Variants in EPHA6 observed in about 807,000 individuals in gnomAD.
EPHA6 encodes the protein EPH receptor A6.
A neutral mutation model predicts 112.0 loss-of-function variants in EPHA6; 50 were observed. The ratio of observed to expected loss-of-function variants is 0.45; its 90% confidence interval spans 0.36 to 0.56. The LOEUF (loss-of-function observed/expected upper bound fraction) is 0.56. Among genes scored for constraint, EPHA6 ranks in the 20% least tolerant of loss-of-function variants. The pLI is 0.00. For missense variants in EPHA6, 1,280 were observed against 1,417.4 expected, an observed-to-expected ratio of 0.90 and a Z score of 1.56; for synonymous variants, 529 against 490.7, an observed-to-expected ratio of 1.08 and a Z score of -1.03.
chr3:97,199,463 C>T (rs2077524245), intron 3 of EPHA6, among the ~76,000 whole-genome samples: 1 of 152,132 alleles, frequency 6.6e-6, no homozygotes, highest in Admixed American at 6.6e-5. Flanking sequence ...TGGCAAACAA[C>T]CAGGGCATCA....
intron 3 of EPHA6, among the ~76,000 whole-genome samples, chr3:97,203,960 G>A (rs1429784480): frequency 6.6e-6 from 1 of 151,926 alleles, no homozygotes; most frequent in East Asian, 1.9e-4. Context: ...TTGTGCACAT[G>A]TACCCTAAAG....
chr3:97,612,589 A>G, intron 13 of EPHA6: 2 of 217,874 alleles, frequency 9.2e-6, no homozygotes, highest in South Asian at 1.3e-4. Context: ...TTACTTCTAA[A>G]CATCTTACTA....
chr3:97,513,619 A>G (rs1464845709), intron 10 of EPHA6, among the ~76,000 whole-genome samples: 14 of 152,122 alleles, frequency 9.2e-5, no homozygotes, highest in Admixed American at 9.2e-4. Context: ...TAGAATTAAA[A>G]AAGTTGATCT....
intron 2 of EPHA6, among the ~76,000 whole-genome samples, chr3:96,985,096 G>C (rs574472194): frequency 1.3e-5 from 2 of 152,060 alleles, no homozygotes; most frequent in South Asian, 4.2e-4. Context: ...AGATGAACCC[G>C]GTACCTCAGT....
At chr3:97,237,797 C>G (rs753515452) in intron 4 of EPHA6, among the ~76,000 whole-genome samples, 10 of 151,890 alleles carry the variant, frequency 6.6e-5, no homozygotes, top group Non-Finnish European at 1.5e-4. Flanking sequence ...GTAATTTACT[C>G]AAACATGAAA....
chr3:97,357,131 C>T (rs1042128150), intron 5 of EPHA6, among the ~76,000 whole-genome samples: 2 of 152,110 alleles, frequency 1.3e-5, no homozygotes, highest in African/African-American at 4.8e-5. Flanking sequence ...CATGGAATAT[C>T]TTTTTCCATC....
chr3:97,370,086 C>T (rs1253248954), intron 5 of EPHA6, among the ~76,000 whole-genome samples: 3 of 152,140 alleles, frequency 2.0e-5, no homozygotes, highest in African/African-American at 7.2e-5. Flanking sequence ...TTTAGCCATG[C>T]AGCATTTACA....
intron 2 of EPHA6, among the ~76,000 whole-genome samples, chr3:96,887,417 G>A (rs1033825490): frequency 6.6e-6 from 1 of 152,210 alleles, no homozygotes; most frequent in African/African-American, 2.4e-5. Flanking sequence ...GGTGTTGCCT[G>A]TACAGGGTCC....
intron 3 of EPHA6, among the ~76,000 whole-genome samples, chr3:96,994,707 GTGTATATATA>G (rs1397007436): frequency 4.3e-5 from 4 of 93,326 alleles, no homozygotes; most frequent in South Asian, 2.9e-4. Flanking sequence ...GTGTGTGTGT[GTGTATATATA>G]TATATATATA....
rs1382511292 is a variant in EPHA6, at chr3:97,725,631, C to A, written c.2934+5221C>A. Among the ~76,000 whole-genome samples, 3 of 152,220 alleles carry A rather than the reference C, an allele frequency of 2.0e-5. No individual in the cohort carries two copies. The East Asian group carries it at 5.8e-4, about 29-fold the overall frequency. On this transcript the variant is annotated intron_variant, in intron 15 of 17. Transcript: ENST00000389672. ...TGAAAAGACCAGTCGGGCTTTAGAA[C>A]AAGATCTCTCAACCTTAGCACTATT...
intron 5 of EPHA6, among the ~76,000 whole-genome samples, chr3:97,263,220 A>AAGAAGTGTTT (rs2079557595): frequency 6.6e-6 from 1 of 152,160 alleles, no homozygotes; most frequent in African/African-American, 2.4e-5. Context: ...TATTTTAAAG[A>AAGAAGTGTTT]AGAAGTGTTT....
intron 14 of EPHA6, among the ~76,000 whole-genome samples, chr3:97,668,700 G>A (rs991682537): frequency 4.0e-5 from 6 of 151,822 alleles, no homozygotes; most frequent in Non-Finnish European, 8.8e-5. Flanking sequence ...GATCACTTGA[G>A]GTCAGGAGTT....
chr3:97,087,232 T>C (rs941551003), intron 3 of EPHA6, among the ~76,000 whole-genome samples: 1 of 152,144 alleles, frequency 6.6e-6, no homozygotes, highest in African/African-American at 2.4e-5. Flanking sequence ...GAGCCTCCTC[T>C]GTTCTCCCAG....
chr3:97,215,822 T>C (rs752555090), intron 3 of EPHA6, among the ~76,000 whole-genome samples: 4 of 152,192 alleles, frequency 2.6e-5, no homozygotes, highest in Non-Finnish European at 4.4e-5. Context: ...GATATGTTTG[T>C]AATTTGATTA....
intron 1 of EPHA6, among the ~76,000 whole-genome samples, chr3:96,829,949 G>GCACACACACACACACACACACA (rs67227502): frequency 7.4e-6 from 1 of 136,034 alleles, no homozygotes. Flanking sequence ...GCGCGCGCGC[G>GCACACACACACACACACACACA]CACACACACA....
chr3:96,922,359 T>C (rs1312195153), intron 2 of EPHA6, among the ~76,000 whole-genome samples: 1 of 152,146 alleles, frequency 6.6e-6, no homozygotes, highest in Non-Finnish European at 1.5e-5. Context: ...AGTGAAATGA[T>C]TGAGGGAAAG....
chr3:97,466,550 G>A lies in EPHA6; in HGVS notation c.1895-8802G>A, dbSNP rs1168005643. The A allele has an allele frequency of 6.6e-6, 5 of 759,670 alleles. No individual in the cohort carries two copies. In the African/African-American group the frequency reaches 6.9e-5, roughly 11 times the overall value. The allele number at this position is 759,670 out of a possible 1,614,324, so 47.1% of individuals were successfully genotyped here. A position where few individuals can be genotyped will look rare whatever the true frequency, so the allele number is the denominator to read the frequency against. On this transcript the variant is annotated intron_variant, in intron 7 of 17. Transcript: ENST00000389672. ...TCCAGGCTCTCCAATGATGTCTTCA[G>A]TGATGTCTCAGTCTCAGTTCTGTTT...
chr3:97,723,319 CTGTTGTCCATCATCTTT>C (rs2034615944), intron 15 of EPHA6, among the ~76,000 whole-genome samples: 1 of 152,302 alleles, frequency 6.6e-6, no homozygotes, highest in African/African-American at 2.4e-5. Flanking sequence ...AGTCCAAACC[CTGTTGTCCATCATCTTT>C]TCCTGGATCT....
chr3:97,721,676 C>T (rs2034534429), intron 15 of EPHA6, among the ~76,000 whole-genome samples: 1 of 152,168 alleles, frequency 6.6e-6, no homozygotes, highest in South Asian at 2.1e-4. Flanking sequence ...TTTGCTCCAC[C>T]CCCGCAACAC....
Sources: allele counts gnomAD v4.1 joint callset (sites outside exome capture counted in the v4.1 genomes callset), GRCh38; gene constraint gnomAD v4.1.1; transcripts MANE v1.5; gene names NCBI Gene and HGNC (gene_info 2026-07-23, HGNC 2026-07-21).